MGA: variants seen among roughly 807,000 people sequenced by gnomAD.
The protein encoded by MGA is MAX dimerization protein MGA.
A neutral mutation model predicts 261.1 loss-of-function variants in MGA; 40 were observed. That is an observed-to-expected ratio of 0.15 (90% CI 0.12 to 0.20). The LOEUF is 0.20. Among genes scored for constraint, MGA ranks in the 10% least tolerant of loss-of-function variants. The probability of loss-of-function intolerance (pLI) is 1.00; values close to 1 mark genes in which losing one functional copy is unlikely to be tolerated. For missense variants in MGA, 3,397 were observed against 3,630.5 expected (o/e 0.94, Z 1.65); for synonymous variants, 1,302 against 1,290.6 (o/e 1.01, Z -0.19).
At chr15:41,744,573 C>T (rs534248374) in intron 15 of MGA, among the ~76,000 whole-genome samples, 1 of 152,308 alleles carries the variant, frequency 6.6e-6, no homozygotes, top group African/African-American at 2.4e-5. Flanking sequence ...TAATCTGATA[C>T]ATACTTTTGG....
At chr15:41,645,498 C>A (rs2056918966) in intron 1 of MGA, among the ~76,000 whole-genome samples, 1 of 152,152 alleles carries the variant, frequency 6.6e-6, no homozygotes, top group Admixed American at 6.5e-5. Context: ...GAAGGAGAAT[C>A]TCTTGAACCT....
intron 2 of MGA, chr15:41,684,310 G>A (rs1595708259): frequency 2.3e-6 from 1 of 428,382 alleles, no homozygotes; most frequent in Admixed American, 2.7e-5. Context: ...AATATGTAGT[G>A]TTATTTGTTG....
At position 41,767,007 on chromosome 15, in the gene MGA, C is replaced by T; in HGVS notation, c.8925C>T (p.Asn2975=). The T allele has an allele frequency of 6.2e-7, 1 of 1,613,952 alleles. No individual in the cohort carries two copies. The highest frequency in any genetic ancestry group is 8.5e-7 in the Non-Finnish European group (1 of 1,179,890). ...TACACATGAAGACTGGCTTGGAGAA[C>T]AGCAACAGCACAGACACTTTGTGGA... Residue 2975 remains asparagine, a synonymous_variant, in exon 24 of 24, where the codon AAC becomes AAT. Coordinates refer to ENST00000219905, the MANE Select transcript of MGA (RefSeq NM_001164273.2).
At position 41,636,964 on chromosome 15, in the gene MGA, G is replaced by A. The variant is rs559592921; in HGVS notation, c.-68+15666G>A. 9.9e-5 allele frequency among the ~76,000 whole-genome samples: 15 copies of A among 151,848 alleles called. 1 individual carries two copies. The highest frequency in any genetic ancestry group is 6.3e-4 in the South Asian group (3 of 4,796). On this transcript the variant is annotated intron_variant, in intron 1 of 8. Transcript: ENST00000566718. ...AACTGTGTATCTCAAAGGTGACACC[G>A]TAAAGGGAGATGATCATGATCTGGA... is the stretch of plus-strand genomic sequence containing the variant.
intron 12 of MGA, among the ~76,000 whole-genome samples, 151 bp downstream of exon 12, chr15:41,734,745 T>C (rs944848807): frequency 6.6e-6 from 1 of 152,052 alleles, no homozygotes; most frequent in South Asian, 2.1e-4. Flanking sequence ...TAAGTAAAAG[T>C]TTTTTTTCCC....
intron 5 of MGA, among the ~76,000 whole-genome samples, chr15:41,706,104 G>A (rs1471648374): frequency 3.9e-5 from 6 of 151,960 alleles, no homozygotes; most frequent in South Asian, 2.1e-4. Context: ...GGGCCTGGTG[G>A]CACACGCCTG....
At chr15:41,667,581 C>T (rs868182246) in intron 1 of MGA, among the ~76,000 whole-genome samples, 1 of 152,010 alleles carries the variant, frequency 6.6e-6, no homozygotes, top group Middle Eastern at 3.4e-3. Context: ...ACTTTCACTA[C>T]GTTGGACAGG....
In MGA at chr15:41,699,000, A is replaced by T. The variant is rs1266943971; in HGVS notation, c.2092+59A>T. On this transcript the variant is annotated intron_variant, in intron 4 of 23. Coordinates refer to ENST00000219905, the MANE Select transcript of MGA (RefSeq NM_001164273.2). The stretch of plus-strand genomic sequence containing the variant: ...GTGGTTTGGGCTCCAGCAATGAAAC[A>T]TGCAACATTCATTTGTCTGTAGTGT... The T allele has an allele frequency of 7.8e-6, 12 of 1,545,254 alleles. No individual in the cohort carries two copies. The Middle Eastern group carries it at 5.0e-4, about 64-fold the overall frequency.
intron 22 of MGA, among the ~76,000 whole-genome samples, chr15:41,763,481 C>T (rs1221493677): frequency 9.2e-5 from 14 of 151,744 alleles, no homozygotes; most frequent in African/African-American, 3.1e-4. Context: ...CGGTGGCTCA[C>T]GCCTGTAATC....
intron 2 of MGA, among the ~76,000 whole-genome samples, chr15:41,692,234 T>C (rs2059328594): frequency 6.6e-6 from 1 of 152,214 alleles, no homozygotes; most frequent in Non-Finnish European, 1.5e-5. Flanking sequence ...CTCCTATCCC[T>C]GGCAGGACCT....
intron 18 of MGA, among the ~76,000 whole-genome samples, 194 bp downstream of exon 18, chr15:41,754,761 G>A (rs897109264): frequency 2.6e-5 from 4 of 152,122 alleles, no homozygotes; most frequent in African/African-American, 9.7e-5. Flanking sequence ...AGGAGGCAGT[G>A]TGTAAATGTG....
chr15:41,702,090 C>T (rs542799778), intron 5 of MGA, among the ~76,000 whole-genome samples: 34 of 152,074 alleles, frequency 2.2e-4, no homozygotes, highest in Admixed American at 2.1e-3. Context: ...GAGGCCAAGG[C>T]GGGTGGATCA....
At position 41,713,301 on chromosome 15, in the gene MGA, G is replaced by T; in HGVS notation, c.3235G>T (p.Gly1079Cys). The change falls in exon 9 of 24, where the codon GGT becomes TGT. Residue 1079 changes from glycine (G) to cysteine (C), a missense_variant. By Grantham distance (159) the Gly-to-Cys change is radical. Transcript: ENST00000219905. ...CTGCCGCCGACCAGACTGCATGTTT[G>T]GTTGTACTTGTTTGAAAAGAAAAGT... is the stretch of plus-strand genomic sequence containing the variant. The T allele has an allele frequency of 6.2e-7, 1 of 1,613,954 alleles. No homozygotes were observed. Among genetic ancestry groups the T allele is most frequent in the South Asian group, 1.1e-5 (1 of 91,090 alleles).
chr15:41,714,620 C>T (rs900977089), intron 9 of MGA, among the ~76,000 whole-genome samples: 1 of 152,168 alleles, frequency 6.6e-6, no homozygotes, highest in East Asian at 1.9e-4. Context: ...TTTCCTGCCC[C>T]AGCCTCCTGA....
chr15:41,710,162 A>C (rs565107552), intron 7 of MGA, among the ~76,000 whole-genome samples: 2 of 152,054 alleles, frequency 1.3e-5, no homozygotes, highest in Admixed American at 6.6e-5. Flanking sequence ...TGGTCTCTTT[A>C]ATCAGGTCAA....
At chr15:41,729,072 T>G in intron 10 of MGA, 92 bp from the exon 11 acceptor site, 1 of 1,317,992 alleles carries the variant, frequency 7.6e-7, no homozygotes, top group South Asian at 1.3e-5. Flanking sequence ...TCGACTGTTG[T>G]AATACAAAAA....
chr15:41,668,207 T>A (rs921885445), intron 1 of MGA, among the ~76,000 whole-genome samples: 1 of 152,134 alleles, frequency 6.6e-6, no homozygotes, highest in Admixed American at 6.6e-5. Flanking sequence ...ATAAAAAAAT[T>A]AAATATTAGA....
chr15:41,741,540 G>A (rs1021022296), intron 14 of MGA, among the ~76,000 whole-genome samples: 1 of 151,974 alleles, frequency 6.6e-6, no homozygotes, highest in African/African-American at 2.4e-5. Context: ...TCAGACAGGA[G>A]GAAATGGTAG....
At chr15:41,686,252 C>T (rs1013334918) in intron 2 of MGA, among the ~76,000 whole-genome samples, 2 of 152,062 alleles carry the variant, frequency 1.3e-5, no homozygotes, top group African/African-American at 4.8e-5. Context: ...GTGGCTCACG[C>T]CTTTAATTCC....
Sources: allele counts gnomAD v4.1 joint callset (sites outside exome capture counted in the v4.1 genomes callset), GRCh38; gene constraint gnomAD v4.1.1; transcripts MANE v1.5; gene names NCBI Gene and HGNC (gene_info 2026-07-23, HGNC 2026-07-21).